The following CDYL variants were observed in gnomAD, a reference collection of about 807,000 sequenced individuals.
The protein encoded by CDYL is chromodomain Y-like protein.
Under a neutral mutation model 47.3 loss-of-function variants are expected in CDYL, and 8 were observed. The ratio of observed to expected loss-of-function variants is 0.17; its 90% CI spans 0.10 to 0.31. CDYL has a LOEUF of 0.31. Among genes scored for constraint, CDYL ranks in the 10% least tolerant of loss-of-function variants. CDYL has a pLI of 1.00. For missense variants in CDYL, 471 were observed against 701.4 expected (o/e 0.67, Z 3.71); for synonymous variants, 266 against 265.0 (o/e 1.00, Z -0.04).
At chr6:4,897,793 T>TTGTTTTTTG (rs1286777754) in intron 2 of CDYL, among the ~76,000 whole-genome samples, 1 of 145,086 alleles carries the variant, frequency 6.9e-6, no homozygotes, top group African/African-American at 2.5e-5. Context: ...GGTTTTTGTT[T>TTGTTTTTTG]TTTTTTTTTA....
At chr6:4,939,366 G>A (rs1758296384) in intron 4 of CDYL, among the ~76,000 whole-genome samples, 1 of 152,196 alleles carries the variant, frequency 6.6e-6, no homozygotes, top group Admixed American at 6.5e-5. Flanking sequence ...GCTCTGATGG[G>A]CACCAAACAG....
At chr6:4,742,636 A>G (rs1356733929) in intron 3 of CDYL, among the ~76,000 whole-genome samples, 2 of 152,238 alleles carry the variant, frequency 1.3e-5, no homozygotes, top group Admixed American at 1.3e-4. Flanking sequence ...GTCCATAGCA[A>G]TGATCAAATC....
intron 1 of CDYL, among the ~76,000 whole-genome samples, chr6:4,790,012 G>A (rs1758875515): frequency 6.6e-6 from 1 of 152,154 alleles, no homozygotes; most frequent in South Asian, 2.1e-4. Context: ...CTCTCCTGCT[G>A]TACATCATTG....
chr6:4,776,026 C>T (rs1758429342), upstream of CDYL, among the ~76,000 whole-genome samples: 1 of 150,102 alleles, frequency 6.7e-6, no homozygotes, highest in Non-Finnish European at 1.5e-5. Context: ...GCGCCTCGAA[C>T]CTCGAGGTCC....
chr6:4,846,267 A>G lies in CDYL; in HGVS notation c.25-45446A>G, dbSNP rs1256914248. On this transcript the variant is annotated intron_variant, in intron 1 of 6. Coordinates refer to ENST00000397588, the MANE Select transcript of CDYL (RefSeq NM_004824.4). ...TGCCCACTGATAGCACCCCAACCCCACAGGGTGCACGGCAAATGTGGAGAC... is the reference window on the plus strand; with the variant it reads ...TGCCCACTGATAGCACCCCAACCCCGCAGGGTGCACGGCAAATGTGGAGAC... Among the ~76,000 whole-genome samples the G allele has an allele frequency of 2.0e-5, 3 of 151,986 alleles. No homozygotes were observed. In the East Asian group the frequency reaches 5.8e-4, roughly 29 times the overall value.
Position 4,861,518 on chromosome 6 carries a change from A to C in CDYL, c.25-30195A>C, listed in dbSNP as rs147127310. On this transcript the variant is annotated intron_variant, in intron 1 of 6. Coordinates refer to ENST00000397588, the MANE Select transcript of CDYL (RefSeq NM_004824.4). ...AGTAAATCATGGTCTGCCTTTTCTC[A>C]AGAAGTAGGGGGAAGAGACTGTAGG... Among the ~76,000 whole-genome samples the C allele has an allele frequency of 6.6e-4, 101 of 152,314 alleles. 1 individual carries two copies. The highest frequency in any genetic ancestry group is 2.3e-3 in the African/African-American group (94 of 41,566).
rs569520746 is a variant in CDYL at position 4,902,682 on chromosome 6, C to T, written c.691+10303C>T. ...TTAATTTGATATCTCACCTTTTACA[C>T]ATCAGTCACATTAATTACACAAATG... On this transcript the variant is annotated intron_variant, in intron 2 of 6. Coordinates refer to ENST00000397588, the MANE Select transcript of CDYL (RefSeq NM_004824.4). Among the ~76,000 whole-genome samples the T allele has an allele frequency of 3.9e-5, 6 of 152,274 alleles. No homozygotes were observed. The East Asian group carries it at 1.2e-3, about 29-fold the overall frequency.
At chr6:4,729,851 G>A (rs1424912967) in intron 2 of CDYL, among the ~76,000 whole-genome samples, 1 of 152,108 alleles carries the variant, frequency 6.6e-6, no homozygotes, top group Non-Finnish European at 1.5e-5. Context: ...CTGGGAAGTG[G>A]AGGTTGCAGT....
At chr6:4,876,972 G>A (rs573557267) in intron 1 of CDYL, among the ~76,000 whole-genome samples, 12 of 152,312 alleles carry the variant, frequency 7.9e-5, no homozygotes, top group African/African-American at 2.6e-4. Context: ...CCTTAATAAA[G>A]AGGCCCAAGA....
intron 1 of CDYL, among the ~76,000 whole-genome samples, chr6:4,866,669 A>C (rs1329450424): frequency 1.3e-5 from 2 of 152,162 alleles, no homozygotes; most frequent in East Asian, 3.8e-4. Context: ...ACAGTTTCCA[A>C]AAACCTATCA....
intron 1 of CDYL, among the ~76,000 whole-genome samples, chr6:4,879,393 A>G (rs985868374): frequency 5.3e-5 from 8 of 152,196 alleles, no homozygotes; most frequent in African/African-American, 1.2e-4. Context: ...ATCTTAATAA[A>G]TTGACCTTAT....
chr6:4,904,559 A>G (rs1301540063), intron 2 of CDYL, among the ~76,000 whole-genome samples: 2 of 152,214 alleles, frequency 1.3e-5, no homozygotes, highest in East Asian at 3.8e-4. Flanking sequence ...ACATTTCACA[A>G]TCAGGTTTAT....
At chr6:4,948,029 T>A (rs1758583461) in intron 5 of CDYL, among the ~76,000 whole-genome samples, 2 of 152,164 alleles carry the variant, frequency 1.3e-5, no homozygotes, top group African/African-American at 4.8e-5. Context: ...ACCACCAGAC[T>A]CCCATGGTAG....
Position 4,807,929 on chromosome 6 carries a change from G to A in CDYL, c.24+31122G>A, listed in dbSNP as rs117640534. Among the ~76,000 whole-genome samples, 15 of 151,702 alleles carry A rather than the reference G, an allele frequency of 9.9e-5. 1 individual carries two copies. Among genetic ancestry groups the A allele is most frequent in the Middle Eastern group, 3.5e-3 (1 of 288 alleles). Reference sequence around the variant, plus strand: ...GCTCATTTATGTCTTTATGCACTTAGATTTTTTTTTAACTCTATGTATTAT... The same window carrying A: ...GCTCATTTATGTCTTTATGCACTTAAATTTTTTTTTAACTCTATGTATTAT... On this transcript the variant is annotated intron_variant, in intron 1 of 6. Coordinates refer to ENST00000397588, the MANE Select transcript of CDYL (RefSeq NM_004824.4).
At chr6:4,772,448 G>T (rs532289584), upstream of CDYL, among the ~76,000 whole-genome samples, 1 of 152,318 alleles carries the variant, frequency 6.6e-6, no homozygotes, top group African/African-American at 2.4e-5. Context: ...CCAGAAAAAG[G>T]TACTGGTATC....
At chr6:4,891,254 C>T (rs1364030381) in intron 1 of CDYL, among the ~76,000 whole-genome samples, 1 of 152,190 alleles carries the variant, frequency 6.6e-6, no homozygotes, top group Non-Finnish European at 1.5e-5. Flanking sequence ...TCATATGTTT[C>T]TTTGATGGCA....
rs369186350 is a variant in CDYL at position 4,820,079 on chromosome 6, C to T, written c.24+43272C>T. 2.6e-5 allele frequency among the ~76,000 whole-genome samples: 4 copies of T among 152,188 alleles called. No individual in the cohort carries two copies. The South Asian group carries it at 8.3e-4, about 32-fold the overall frequency. On this transcript the variant is annotated intron_variant, in intron 1 of 6. Coordinates refer to ENST00000397588, the MANE Select transcript of CDYL (RefSeq NM_004824.4). ...TGCAGGCTGATTCCTAATCCATCTC[C>T]CTCTGTGTTCTCTGTGGTGATTCAT...
intron 2 of CDYL, among the ~76,000 whole-genome samples, chr6:4,905,646 G>A (rs530272019): frequency 6.6e-6 from 1 of 152,258 alleles, no homozygotes; most frequent in South Asian, 2.1e-4. Context: ...AGAGCCGAAG[G>A]GCCATGTTTA....
chr6:4,896,391 G>T (rs924361675), intron 2 of CDYL, among the ~76,000 whole-genome samples: 1 of 152,206 alleles, frequency 6.6e-6, no homozygotes, highest in African/African-American at 2.4e-5. Context: ...ATCGAACTGT[G>T]CCCAGAATGG....
Sources: gnomAD v4.1 joint callset for allele counts (sites outside exome capture counted in the v4.1 genomes callset) on GRCh38, gnomAD v4.1.1 for gene constraint, MANE v1.5 for transcripts, NCBI Gene and HGNC (gene_info 2026-07-23, HGNC 2026-07-21) for gene names.